TMEM182: variants seen among roughly 807,000 people sequenced by gnomAD.
TMEM182 encodes transmembrane protein 182.
TMEM182 carries 20 observed loss-of-function variants against 26.8 expected under a neutral mutation model. The observed-to-expected ratio is 0.75, with a 90% CI of 0.53 to 1.09. The LOEUF (loss-of-function observed/expected upper bound fraction) is 1.09. Ranked by LOEUF, TMEM182 falls within the 50% of genes least tolerant of loss-of-function variation. The probability of loss-of-function intolerance (pLI) is 0.00; values close to 1 mark genes in which losing one functional copy is unlikely to be tolerated. For missense variants in TMEM182, 277 were observed against 275.5 expected (o/e 1.01, Z -0.04); for synonymous variants, 109 against 102.2 (o/e 1.07, Z -0.40).
At chr2:102,761,660 C>G (rs749694598), upstream of TMEM182, among the ~76,000 whole-genome samples, 2 of 152,154 alleles carry the variant, frequency 1.3e-5, no homozygotes, top group Admixed American at 1.3e-4. Flanking sequence ...ATTACAACTT[C>G]AATTGTGTTC....
intron 3 of TMEM182, among the ~76,000 whole-genome samples, chr2:102,785,721 A>G (rs1336194430): frequency 6.6e-6 from 1 of 152,210 alleles, no homozygotes; most frequent in Non-Finnish European, 1.5e-5. Context: ...TAATTCACAT[A>G]CCTAAGAGAA....
Position 102,817,526 on chromosome 2 carries a change from C to T in TMEM182, c.*2558C>T, listed in dbSNP as rs1682797036. Reference sequence around the variant, plus strand: ...AGACTACACAGAGAAGTTTAATGATCGTGTACAATTTGAGGGTTGATGGTA... The same window carrying T: ...AGACTACACAGAGAAGTTTAATGATTGTGTACAATTTGAGGGTTGATGGTA... On this transcript the variant is annotated 3_prime_UTR_variant, in exon 5 of 5. Coordinates refer to ENST00000412401, the MANE Select transcript of TMEM182 (RefSeq NM_144632.5). 22 of 985,104 alleles carry T rather than the reference C, an allele frequency of 2.2e-5. No homozygotes were observed. The highest frequency in any genetic ancestry group is 6.2e-5 in the Admixed American group (1 of 16,232). The allele number at this position is 985,104 out of a possible 1,614,324, so 61.0% of individuals were successfully genotyped here.
At chr2:102,793,033 G>A (rs1681715123) in intron 3 of TMEM182, among the ~76,000 whole-genome samples, 1 of 152,080 alleles carries the variant, frequency 6.6e-6, no homozygotes, top group Non-Finnish European at 1.5e-5. Flanking sequence ...TCTGCCGTCT[G>A]TGTGACCTGG....
intron 1 of TMEM182, among the ~76,000 whole-genome samples, chr2:102,751,831 T>C (rs952101495): frequency 6.6e-6 from 1 of 152,080 alleles, no homozygotes; most frequent in Admixed American, 6.6e-5. Context: ...CATGCCTGGC[T>C]AGTTTTTAAA....
chr2:102,815,066 AT>A lies in TMEM182; in HGVS notation c.*99del. 1 of 1,483,354 alleles carries A rather than the reference AT, an allele frequency of 6.7e-7. No homozygotes were observed. Among genetic ancestry groups the A allele is most frequent in the South Asian group, 1.4e-5 (1 of 71,144 alleles). The allele number at this position is 1,483,354 out of a possible 1,614,324, so 91.9% of individuals were successfully genotyped here. On this transcript the variant is annotated 3_prime_UTR_variant, in exon 5 of 5. Transcript: ENST00000412401. ...TGATCCCAGCATAAAGTTAGTAGATATAACTTTTTAGTTGCTATTCAAATTA... is the reference window on the plus strand; with the variant it reads ...TGATCCCAGCATAAAGTTAGTAGATAAACTTTTTAGTTGCTATTCAAATTA...
rs559182285 is a variant in TMEM182 at position 102,798,143 on chromosome 2, A to G, written c.469+143A>G. The stretch of plus-strand genomic sequence containing the variant: ...TACAATACTTCTTGAACACTAACTA[A>G]TAATATTTGTATACAATACTTCTTG... On this transcript the variant is annotated intron_variant, in intron 4 of 4. Coordinates refer to ENST00000412401, the MANE Select transcript of TMEM182 (RefSeq NM_144632.5). The G allele has an allele frequency of 3.4e-5, 37 of 1,086,092 alleles. 1 individual carries two copies. The highest frequency in any genetic ancestry group is 1.4e-4 in the African/African-American group (9 of 62,826). 67.3% of individuals were successfully genotyped at this position (1,086,092 alleles called of 1,614,324 possible).
chr2:102,826,906 A>C (rs1469263402), intron 3 of TMEM182, among the ~76,000 whole-genome samples: 1 of 150,196 alleles, frequency 6.7e-6, no homozygotes, highest in Non-Finnish European at 1.5e-5. Flanking sequence ...TTGGCCAATC[A>C]AAAAAAAAAT....
At chr2:102,782,164 GGT>G (rs1230104349) in intron 3 of TMEM182, among the ~76,000 whole-genome samples, 2 of 151,980 alleles carry the variant, frequency 1.3e-5, no homozygotes, top group Non-Finnish European at 2.9e-5. Flanking sequence ...AAATTAGTCA[GGT>G]GTGGTGGCCG....
chr2:102,805,396 T>C (rs898620613), intron 4 of TMEM182, among the ~76,000 whole-genome samples: 1 of 152,184 alleles, frequency 6.6e-6, no homozygotes, highest in Admixed American at 6.5e-5. Context: ...GCCATTTCTT[T>C]GGAGAGAGCC....
chr2:102,755,835 T>C (rs1372170748), intron 1 of TMEM182, among the ~76,000 whole-genome samples: 1 of 152,176 alleles, frequency 6.6e-6, no homozygotes, highest in Non-Finnish European at 1.5e-5. Flanking sequence ...GAAGAAAACA[T>C]TTATTGACTC....
intron 4 of TMEM182, among the ~76,000 whole-genome samples, chr2:102,808,042 C>T (rs1333697319): frequency 3.3e-5 from 5 of 152,172 alleles, no homozygotes; most frequent in Non-Finnish European, 7.3e-5. Context: ...CGACAGCATT[C>T]GTAGCATGAG....
chr2:102,833,021 A>T (rs1305065568), intron 3 of TMEM182, among the ~76,000 whole-genome samples: 1 of 152,158 alleles, frequency 6.6e-6, no homozygotes, highest in Non-Finnish European at 1.5e-5. Flanking sequence ...AGTCTTTATT[A>T]TTCTGAGCCC....
chr2:102,765,816 A>G (rs566856816), intron 3 of TMEM182, among the ~76,000 whole-genome samples: 5 of 151,880 alleles, frequency 3.3e-5, no homozygotes, highest in South Asian at 2.1e-4. Flanking sequence ...CCTTGAAAAC[A>G]TGTGTGGTAT....
At chr2:102,750,742 A>G (rs1204980926) in intron 1 of TMEM182, among the ~76,000 whole-genome samples, 1 of 152,024 alleles carries the variant, frequency 6.6e-6, no homozygotes, top group Admixed American at 6.5e-5. Context: ...TGGTTTGGCA[A>G]CCTCTGCATG....
chr2:102,790,705 C>G (rs2540285), intron 3 of TMEM182, among the ~76,000 whole-genome samples: 45,778 of 152,082 alleles, frequency 0.3, 7,109 homozygotes, highest in South Asian at 0.42. Context: ...ACTGCCTACT[C>G]ACATCACTTT....
At chr2:102,814,665 A>G in intron 4 of TMEM182, 83 bp from the exon 5 acceptor site, 2 of 1,249,968 alleles carry the variant, frequency 1.6e-6, no homozygotes, top group South Asian at 3.0e-5. Flanking sequence ...GGAGCTTGTC[A>G]TCCGGTCAAT....
chr2:102,826,211 A>G (rs1206110459), intron 3 of TMEM182, among the ~76,000 whole-genome samples: 2 of 151,100 alleles, frequency 1.3e-5, no homozygotes, highest in Non-Finnish European at 2.9e-5. Flanking sequence ...GCCTACCCGG[A>G]TGCCCTCGGG....
rs892063115 is a variant in TMEM182, at chr2:102,836,407, G to T, written c.326-7005G>T. The stretch of plus-strand genomic sequence containing the variant: ...TCCTCACTGGCATTTAATGCTGTTT[G>T]TTTTTTGGATTTTGACCATTGTAAT... On this transcript the variant is annotated intron_variant, in intron 3 of 3. Transcript: ENST00000486293. Among the ~76,000 whole-genome samples the T allele has an allele frequency of 8.7e-4, 133 of 152,206 alleles. 1 individual carries two copies. The highest frequency in any genetic ancestry group is 5.4e-3 in the Admixed American group (83 of 15,288).
At chr2:102,836,091 T>C (rs1340288922) in intron 3 of TMEM182, among the ~76,000 whole-genome samples, 2 of 152,202 alleles carry the variant, frequency 1.3e-5, no homozygotes, top group Non-Finnish European at 2.9e-5. Context: ...TTTTTAGCAC[T>C]GAATAATATT....
Sources: allele counts gnomAD v4.1 joint callset (sites outside exome capture counted in the v4.1 genomes callset), GRCh38; gene constraint gnomAD v4.1.1; transcripts MANE v1.5; gene names NCBI Gene and HGNC (gene_info 2026-07-23, HGNC 2026-07-21).